The following TET1 variants were observed in gnomAD, a reference collection of about 807,000 sequenced individuals.
The protein encoded by TET1 is methylcytosine dioxygenase TET1.
Under a neutral mutation model 148.7 loss-of-function variants are expected in TET1, and 13 were observed. The observed-to-expected ratio is 0.09, with a 90% CI of 0.06 to 0.14. The LOEUF (loss-of-function observed/expected upper bound fraction) is 0.14. TET1 is among the 10% of genes least tolerant of loss of function. The pLI, the probability that TET1 is intolerant of heterozygous loss-of-function variation, is 1.00. For missense variants in TET1, 2,182 were observed against 2,553.8 expected (o/e 0.85, Z 3.14); for synonymous variants, 907 against 937.2 (o/e 0.97, Z 0.59).
chr10:68,641,667 T>A (rs1022669660), intron 3 of TET1, among the ~76,000 whole-genome samples: 1 of 1,752 alleles, frequency 5.7e-4, no homozygotes, highest in Admixed American at 6.0e-3. Context: ...CCCGGCTAAT[T>A]TTTTTTTTGT....
intron 8 of TET1, among the ~76,000 whole-genome samples, chr10:68,673,960 CTTTTTTTTT>C (rs869073350): frequency 2.1e-3 from 154 of 72,422 alleles, no homozygotes; most frequent in Non-Finnish European, 3.3e-3. Context: ...TTTTCTTTTT[CTTTTTTTTT>C]TTTTTTTTTG....
intron 2 of TET1, 94 bp downstream of exon 2, chr10:68,574,346 A>AC: frequency 1.0e-6 from 1 of 963,482 alleles, no homozygotes; most frequent in Non-Finnish European, 1.5e-6. Context: ...GTCTCTATGT[A>AC]ATAGTGAATT....
chr10:68,578,573 T>G (rs183023360), intron 2 of TET1, among the ~76,000 whole-genome samples: 1 of 152,306 alleles, frequency 6.6e-6, no homozygotes, highest in Non-Finnish European at 1.5e-5. Context: ...ATATTTTAAT[T>G]CTTTTTTTAA....
intron 10 of TET1, among the ~76,000 whole-genome samples, chr10:68,685,246 G>C (rs1265267749): frequency 6.6e-6 from 1 of 152,004 alleles, no homozygotes; most frequent in Non-Finnish European, 1.5e-5. Flanking sequence ...TACAGATATT[G>C]AAAAAAATGA....
rs2054816983 is a variant in TET1, at chr10:68,644,938, A to G, written c.2209A>G (p.Lys737Glu). ...TAATGTCCCAGAAGCTGAAAAATCG[A>G]AAAACTCTGAAGTTGACAAGAAACG... The part of the protein sequence containing the change: ...SANVPEAEKS[K>E]NSEVDKKRTK... The change falls in exon 4 of 12, where the codon AAA becomes GAA. Residue 737 changes from lysine to glutamate, a missense_variant. Lys to Glu is a moderately conservative substitution (Grantham distance 56). Coordinates refer to ENST00000373644, the MANE Select transcript of TET1 (RefSeq NM_030625.3). 1 of 1,611,800 alleles carries G rather than the reference A, an allele frequency of 6.2e-7. No homozygotes were observed. The highest frequency in any genetic ancestry group is 8.5e-7 in the Non-Finnish European group (1 of 1,179,338).
chr10:68,599,201 G>A (rs2054023221), intron 2 of TET1, among the ~76,000 whole-genome samples: 1 of 152,228 alleles, frequency 6.6e-6, no homozygotes, highest in African/African-American at 2.4e-5. Context: ...GTGGGAATCT[G>A]TTCTGAATCC....
intron 10 of TET1, among the ~76,000 whole-genome samples, chr10:68,685,083 T>A (rs1482303530): frequency 6.6e-6 from 1 of 152,080 alleles, no homozygotes; most frequent in Non-Finnish European, 1.5e-5. Flanking sequence ...TGTGAGACCC[T>A]GTCTCTACAA....
chr10:68,642,382 C>T (rs980373325), intron 3 of TET1, among the ~76,000 whole-genome samples: 4 of 151,830 alleles, frequency 2.6e-5, no homozygotes, highest in African/African-American at 7.3e-5. Flanking sequence ...TACAGTGAGC[C>T]GTTATCGTGC....
intron 8 of TET1, among the ~76,000 whole-genome samples, chr10:68,676,256 ATATATATATATATTTTTTTTTTTTTTTT>A (rs2055354534): frequency 2.5e-5 from 1 of 40,380 alleles, no homozygotes; most frequent in Non-Finnish European, 3.9e-5. Context: ...ATATATATAT[ATATATATATATATTTTTTTTTTTTTTTT>A]TTTTTTTTTT....
intron 3 of TET1, among the ~76,000 whole-genome samples, chr10:68,614,043 C>A (rs2054255507): frequency 6.6e-6 from 1 of 152,108 alleles, no homozygotes; most frequent in African/African-American, 2.4e-5. Context: ...TAATTTTGTC[C>A]CTCCACCCAT....
chr10:68,679,037 C>T (rs553960810), intron 8 of TET1, among the ~76,000 whole-genome samples: 2 of 151,960 alleles, frequency 1.3e-5, no homozygotes, highest in African/African-American at 2.4e-5. Context: ...ATTATCCGGG[C>T]GTGGTGGCTC....
intron 7 of TET1, among the ~76,000 whole-genome samples, chr10:68,672,232 T>A (rs1220390041): frequency 6.6e-6 from 1 of 151,852 alleles, no homozygotes; most frequent in Admixed American, 6.6e-5. Context: ...GCTCAGTGCC[T>A]CACACCCGTA....
intron 5 of TET1, 98 bp from the exon 6 acceptor site, chr10:68,652,403 C>A: frequency 1.4e-6 from 1 of 739,474 alleles, no homozygotes; most frequent in Non-Finnish European, 2.1e-6. Flanking sequence ...AACTTCTGTA[C>A]ATCTATATCT....
intron 6 of TET1, among the ~76,000 whole-genome samples, chr10:68,659,928 A>G (rs192609060): frequency 6.5e-4 from 99 of 152,210 alleles, no homozygotes; most frequent in Admixed American, 2.3e-3. Context: ...TAAAAGTCTC[A>G]TTTTCTTGTA....
At chr10:68,659,248 A>G (rs2055069960) in intron 6 of TET1, among the ~76,000 whole-genome samples, 1 of 152,188 alleles carries the variant, frequency 6.6e-6, no homozygotes, top group Non-Finnish European at 1.5e-5. Context: ...AGTGCTTCAC[A>G]TTGGGCATCA....
chr10:68,670,369 T>A (rs1020632857), intron 7 of TET1, among the ~76,000 whole-genome samples: 5 of 152,200 alleles, frequency 3.3e-5, no homozygotes, highest in Non-Finnish European at 7.4e-5. Flanking sequence ...TTCTATAGAC[T>A]GTTAATCAAT....
intron 3 of TET1, among the ~76,000 whole-genome samples, chr10:68,624,159 C>A (rs2054416464): frequency 6.7e-6 from 1 of 149,992 alleles, no homozygotes; most frequent in South Asian, 2.1e-4. Context: ...TGCAGTGTCG[C>A]AATCTCGGCC....
intron 8 of TET1, among the ~76,000 whole-genome samples, chr10:68,676,071 G>T (rs2055344535): frequency 6.6e-6 from 1 of 150,600 alleles, no homozygotes; most frequent in South Asian, 2.1e-4. Flanking sequence ...TGGCCAGGCT[G>T]GTCTTGTACT....
At chr10:68,647,667 T>G (rs1470153346) in intron 4 of TET1, among the ~76,000 whole-genome samples, 1 of 152,080 alleles carries the variant, frequency 6.6e-6, no homozygotes, top group African/African-American at 2.4e-5. Context: ...CTTCCTATAT[T>G]CAAAAAAATT....
Sources: allele counts gnomAD v4.1 joint callset (sites outside exome capture counted in the v4.1 genomes callset), GRCh38; gene constraint gnomAD v4.1.1; transcripts MANE v1.5; gene names NCBI Gene and HGNC (gene_info 2026-07-23, HGNC 2026-07-21).